Variants in SRSF10 observed in about 807,000 individuals in gnomAD.
SRSF10 encodes the protein serine and arginine rich splicing factor 10, also known as serine/arginine-rich splicing factor 10.
SRSF10 carries 9 observed loss-of-function variants against 32.6 expected under a neutral mutation model. The observed-to-expected ratio is 0.28, with a 90% CI of 0.17 to 0.48. The LOEUF is 0.48. SRSF10 is among the 20% of genes least tolerant of loss of function. The pLI is 0.99. For missense variants in SRSF10, 201 were observed against 331.8 expected, an observed-to-expected ratio of 0.61 and a Z score of 3.06; for synonymous variants, 105 against 112.4, an observed-to-expected ratio of 0.93 and a Z score of 0.42.
intron 1 of SRSF10, 83 bp downstream of exon 1, chr1:23,980,108 G>A (rs1019819751): frequency 5.7e-6 from 8 of 1,393,914 alleles, no homozygotes; most frequent in East Asian, 5.8e-5. Flanking sequence ...CCCCTCCCCC[G>A]GCCCAGTGCC....
rs1181565303 is a variant in SRSF10, at chr1:23,970,013, G to GCA, written c.*1127_*1128dup. 1.0e-5 allele frequency: 10 copies of GCA among 985,118 alleles called. No homozygotes were observed. The highest frequency in any genetic ancestry group is 1.2e-5 in the Non-Finnish European group (10 of 829,906). 61.0% of individuals were successfully genotyped at this position (985,118 alleles called of 1,614,324 possible). ...CAAAATTTCAGTTCTTTTACACTAGGCACACACACACAAAACCTACTTTGA... is the reference window on the plus strand; with the variant it reads ...CAAAATTTCAGTTCTTTTACACTAGGCACACACACACACAAAACCTACTTTGA... On this transcript the variant is annotated 3_prime_UTR_variant, in exon 6 of 6. Transcript: ENST00000492112.
At position 23,965,332 on chromosome 1, in the gene SRSF10, T is replaced by C. The variant is rs1302919571; in HGVS notation, c.*5810A>G. 3 of 152,108 alleles carry C rather than the reference T, an allele frequency of 2.0e-5. No homozygotes were observed. Among genetic ancestry groups the C allele is most frequent in the East Asian group, 3.9e-4 (2 of 5,184 alleles). 9.4% of individuals were successfully genotyped at this position (152,108 alleles called of 1,614,324 possible). On this transcript the variant is annotated 3_prime_UTR_variant, in exon 6 of 6. Transcript: ENST00000492112. ...GGAACATGGTCAAAATGCAATACAA[T>C]GGAAAATCTCTACAAGAGAATGAGA... is the stretch of plus-strand genomic sequence containing the variant.
intron 5 of SRSF10, 62 bp from the exon 6 acceptor site, chr1:23,971,501 G>A: frequency 1.3e-6 from 2 of 1,586,946 alleles, no homozygotes; most frequent in Non-Finnish European, 1.7e-6. Flanking sequence ...AATCAAATTT[G>A]TTATTTTTAG....
chr1:23,978,337 T>A (rs1642209362), intron 2 of SRSF10: 1 of 994,454 alleles, frequency 1.0e-6, no homozygotes, highest in African/African-American at 1.7e-5. Flanking sequence ...CTCATTGTTA[T>A]ACAATTTGTT....
In SRSF10 at chr1:23,967,885, G is replaced by GC; in HGVS notation, c.*3256dup. ...CTTTCCCCTGGGATGTAACTTAACA[G>GC]CTCATACTCTATGTAGCACCTTTCC... On this transcript the variant is annotated 3_prime_UTR_variant, in exon 6 of 6. Coordinates refer to ENST00000492112, the MANE Select transcript of SRSF10 (RefSeq NM_054016.4). 2 of 1,546,650 alleles carry GC rather than the reference G, an allele frequency of 1.3e-6. No individual in the cohort carries two copies. The highest frequency in any genetic ancestry group is 1.7e-6 in the Non-Finnish European group (2 of 1,145,968).
At chr1:23,979,291 T>C (rs200051093) in intron 1 of SRSF10, among the ~76,000 whole-genome samples, 2 of 55,006 alleles carry the variant, frequency 3.6e-5, no homozygotes, top group African/African-American at 7.9e-5. Context: ...ATGGAAAGAA[T>C]TATTTATGGA....
At position 23,967,851 on chromosome 1, in the gene SRSF10, T is replaced by C. The variant is rs1275015980; in HGVS notation, c.*3291A>G. 6.4e-7 allele frequency: 1 copy of C among 1,551,786 alleles called. No individual in the cohort carries two copies. Among genetic ancestry groups the C allele is most frequent in the African/African-American group, 1.4e-5 (1 of 72,766 alleles). On this transcript the variant is annotated 3_prime_UTR_variant, in exon 6 of 6. Transcript: ENST00000492112. Reference sequence around the variant, plus strand: ...AATTTTCAAGAGAATAATACAATAGTTCCCAGGTCTTTCCCCTGGGATGTA... The same window carrying C: ...AATTTTCAAGAGAATAATACAATAGCTCCCAGGTCTTTCCCCTGGGATGTA...
chr1:23,971,362 T>C lies in SRSF10; in HGVS notation c.569A>G (p.Glu190Gly). ...RSRSKSQPKK[E>G]MKAKSRSRSA... ...CCTAGAACGTGATTTAGCCTTCATT[T>C]CTTTCTTGGGCTGGGACTTGGACCG... is the stretch of plus-strand genomic sequence containing the variant. Residue 190 changes from glutamate to glycine, a missense_variant, in exon 6 of 6, where the codon GAA (glutamate) becomes GGA (glycine). This residue lies in a region of SRSF10 where 159 missense variants were observed against 196.7 expected (regional missense o/e 0.81). Transcript: ENST00000492112. 2 of 1,612,740 alleles carry C rather than the reference T, an allele frequency of 1.2e-6. No homozygotes were observed. The highest frequency in any genetic ancestry group is 2.2e-5 in the East Asian group (1 of 44,884).
At position 23,965,958 on chromosome 1, in the gene SRSF10, A is replaced by C. The variant is rs1641429704; in HGVS notation, c.*5184T>G. 6.6e-6 allele frequency: 1 copy of C among 151,960 alleles called. No homozygotes were observed. Among genetic ancestry groups the C allele is most frequent in the Non-Finnish European group, 1.5e-5 (1 of 67,850 alleles). The allele number at this position is 151,960 out of a possible 1,614,324, so 9.4% of individuals were successfully genotyped here. A position where few individuals can be genotyped will look rare whatever the true frequency, so the allele number is the denominator to read the frequency against. Reference sequence around the variant, plus strand: ...CTCTGTCCATAAGAACCCCTATGTTAATGAGTGTATAACGGTATACAACAA... The same window carrying C: ...CTCTGTCCATAAGAACCCCTATGTTCATGAGTGTATAACGGTATACAACAA... On this transcript the variant is annotated 3_prime_UTR_variant, in exon 6 of 6. Coordinates refer to ENST00000492112, the MANE Select transcript of SRSF10 (RefSeq NM_054016.4).
chr1:23,966,717 T>A lies in SRSF10; in HGVS notation c.*4425A>T, dbSNP rs1451632938. The stretch of plus-strand genomic sequence containing the variant: ...GGCAGAGTAAACAATTTATTATAAC[T>A]CTAGTATATTACAGTCACTGCACAA... On this transcript the variant is annotated 3_prime_UTR_variant, in exon 6 of 6. Transcript: ENST00000492112. The A allele has an allele frequency of 3.3e-5, 5 of 152,166 alleles. No individual in the cohort carries two copies. The East Asian group carries it at 9.6e-4, about 29-fold the overall frequency. 9.4% of individuals were successfully genotyped at this position (152,166 alleles called of 1,614,324 possible).
rs1273519735 is a variant in SRSF10, at chr1:23,967,621, T to A, written c.*3521A>T. On this transcript the variant is annotated 3_prime_UTR_variant, in exon 6 of 6. Transcript: ENST00000492112. ...ATACTGCAGCACCTTCCACCCACCC[T>A]TTGGTCGCTTGAACTGCCCTTCTTT... 1 of 1,190,344 alleles carries A rather than the reference T, an allele frequency of 8.4e-7. No homozygotes were observed. The highest frequency in any genetic ancestry group is 1.3e-6 in the Non-Finnish European group (1 of 796,158). 73.7% of individuals were successfully genotyped at this position (1,190,344 alleles called of 1,614,324 possible). A position where few individuals can be genotyped will look rare whatever the true frequency, so the allele number is the denominator to read the frequency against.
chr1:23,969,573 A>G lies in SRSF10; in HGVS notation c.*1569T>C. Reference sequence around the variant, plus strand: ...CCGAAATTGAAAAAAGTAATCCTCTAAAAGGAATCGTTTGTCCATAATTCG... The same window carrying G: ...CCGAAATTGAAAAAAGTAATCCTCTGAAAGGAATCGTTTGTCCATAATTCG... On this transcript the variant is annotated 3_prime_UTR_variant, in exon 6 of 6. Coordinates refer to ENST00000492112, the MANE Select transcript of SRSF10 (RefSeq NM_054016.4). 1.6e-5 allele frequency: 16 copies of G among 985,166 alleles called. No homozygotes were observed. The highest frequency in any genetic ancestry group is 1.9e-5 in the Non-Finnish European group (16 of 829,664). The allele number at this position is 985,166 out of a possible 1,614,324, so 61.0% of individuals were successfully genotyped here. A position where few individuals can be genotyped will look rare whatever the true frequency, so the allele number is the denominator to read the frequency against.
intron 2 of SRSF10, chr1:23,977,495 C>T (rs1309710994): frequency 6.6e-6 from 1 of 152,182 alleles, no homozygotes; most frequent in Non-Finnish European, 1.5e-5. Flanking sequence ...TCCCCAGCAA[C>T]CACTTTAAAA....
In SRSF10 at chr1:23,967,603, A is replaced by G; in HGVS notation, c.*3539T>C. ...AATATTCGTACAGTATTCATACTGC[A>G]GCACCTTCCACCCACCCTTTGGTCG... On this transcript the variant is annotated 3_prime_UTR_variant, in exon 6 of 6. Coordinates refer to ENST00000492112, the MANE Select transcript of SRSF10 (RefSeq NM_054016.4). 1 of 942,400 alleles carries G rather than the reference A, an allele frequency of 1.1e-6. No homozygotes were observed. Among genetic ancestry groups the G allele is most frequent in the Non-Finnish European group, 1.7e-6 (1 of 574,326 alleles). 58.4% of individuals were successfully genotyped at this position (942,400 alleles called of 1,614,324 possible).
intron 2 of SRSF10, chr1:23,976,540 A>G (rs989494444): frequency 2.0e-5 from 3 of 152,246 alleles, no homozygotes; most frequent in Admixed American, 1.3e-4. Flanking sequence ...ACGTTCACTT[A>G]ATGGGTACAC....
rs915062109 is a variant in SRSF10, at chr1:23,965,381, T to C, written c.*5761A>G. 4.3e-4 allele frequency: 66 copies of C among 152,132 alleles called. No individual in the cohort carries two copies. The highest frequency in any genetic ancestry group is 1.6e-3 in the African/African-American group (66 of 41,584). The allele number at this position is 152,132 out of a possible 1,614,324, so 9.4% of individuals were successfully genotyped here. On this transcript the variant is annotated 3_prime_UTR_variant, in exon 6 of 6. Transcript: ENST00000492112. ...GATTTGGAAAGCCATGCTTAGAGTC[T>C]CTGAGCCACACAACCATAAGATCTT...
At chr1:23,974,894 A>G in intron 3 of SRSF10, 80 bp downstream of exon 3, 1 of 1,065,960 alleles carries the variant, frequency 9.4e-7, no homozygotes, top group Non-Finnish European at 1.4e-6. Context: ...ACAGAAACAC[A>G]AATTGCTTAA....
chr1:23,978,383 C>T (rs1307976155), intron 2 of SRSF10: 3 of 871,124 alleles, frequency 3.4e-6, no homozygotes, highest in Middle Eastern at 5.7e-4. Flanking sequence ...AACAAGAATA[C>T]CAAATTTTAA....
rs1199926709 is a variant in SRSF10 at position 23,968,674 on chromosome 1, T to G, written c.*2468A>C. On this transcript the variant is annotated 3_prime_UTR_variant, in exon 6 of 6. Transcript: ENST00000492112. ...GAGGTTATCACTTAATATTAGTTGCTCATCAACATTCAATTTAAAATGATT... is the reference window on the plus strand; with the variant it reads ...GAGGTTATCACTTAATATTAGTTGCGCATCAACATTCAATTTAAAATGATT... 5.9e-5 allele frequency among the ~76,000 whole-genome samples: 9 copies of G among 152,216 alleles called. No individual in the cohort carries two copies. Among genetic ancestry groups the G allele is most frequent in the African/African-American group, 2.2e-4 (9 of 41,466 alleles).
Sources: allele counts gnomAD v4.1 joint callset (sites outside exome capture counted in the v4.1 genomes callset), GRCh38; gene constraint gnomAD v4.1.1; regional missense constraint gnomAD v4.1.1; transcripts MANE v1.5; gene names NCBI Gene and HGNC (gene_info 2026-07-23, HGNC 2026-07-21).